The following TAB3 variants were observed in gnomAD, a reference collection of about 807,000 sequenced individuals.
TAB3 encodes TGF-beta-activated kinase 1 and MAP3K7-binding protein 3.
In TAB3, 18 loss-of-function variants were observed where a neutral mutation model predicts 48.1. The ratio of observed to expected loss-of-function variants is 0.37; its 90% CI spans 0.26 to 0.55. TAB3 has a LOEUF of 0.55. TAB3 is among the 20% of genes least tolerant of loss of function. TAB3 has a pLI of 0.78. For missense variants in TAB3, 414 were observed against 549.8 expected, an observed-to-expected ratio of 0.75 and a Z score of 2.47; for synonymous variants, 185 against 190.2, an observed-to-expected ratio of 0.97 and a Z score of 0.22.
chrX:30,855,610 C>A (rs1939037876), intron 5 of TAB3, 48 bp from the exon 6 acceptor site: 4 of 1,098,603 alleles, frequency 3.6e-6, no homozygotes, highest in Admixed American at 2.7e-5. Flanking sequence ...TTAACAAATT[C>A]TAATAGTGGA....
At chrX:30,848,003 A>ATAGTT (rs779482191) in intron 7 of TAB3, among the ~76,000 whole-genome samples, 6 of 112,687 alleles carry the variant, frequency 5.3e-5, no homozygotes, top group Admixed American at 9.4e-5. Context: ...CAATATTCAA[A>ATAGTT]TAGTTTAAAA....
At chrX:30,880,224 G>A (rs185271679) in intron 1 of TAB3, among the ~76,000 whole-genome samples, 100 of 111,644 alleles carry the variant, frequency 9.0e-4, no homozygotes, top group Non-Finnish European at 1.5e-3. Flanking sequence ...CAAGAATAGC[G>A]AAGATGCTTT....
Position 30,854,959 on chromosome X carries a change from A to T in TAB3, c.706T>A (p.Ser236Thr), listed in dbSNP as rs1419771572. The change falls in exon 6 of 11, where the codon TCT becomes ACT. Residue 236 changes from serine (S) to threonine (T), a missense_variant. Transcript: ENST00000288422. ...SPGSIYIRQT[S>T]QSSSGRQTPQ... ...GTTTGTCTTCCTGATGAACTCTGAGATGTCTGTCTAATATAAATAGAACCA... is the reference window on the plus strand; with the variant it reads ...GTTTGTCTTCCTGATGAACTCTGAGTTGTCTGTCTAATATAAATAGAACCA... 32 of 1,206,950 alleles carry T rather than the reference A, an allele frequency of 2.7e-5. No homozygotes were observed. The highest frequency in any genetic ancestry group is 3.5e-5 in the Non-Finnish European group (31 of 893,545).
intron 4 of TAB3, 97 bp from the exon 5 acceptor site, chrX:30,859,775 C>T: frequency 2.4e-6 from 1 of 418,892 alleles, no homozygotes; most frequent in Non-Finnish European, 4.1e-6. Flanking sequence ...GGCATCTCCT[C>T]TAAGGAGGCT....
At chrX:30,856,187 A>G (rs1357707970) in intron 5 of TAB3, among the ~76,000 whole-genome samples, 1 of 111,956 alleles carries the variant, frequency 8.9e-6, no homozygotes, top group Non-Finnish European at 1.9e-5. Flanking sequence ...CAGTATAAAA[A>G]AAGTCCATAA....
rs761474245 is a variant in TAB3, at chrX:30,872,401, C to T, written c.-382-600G>A. On this transcript the variant is annotated intron_variant, in intron 1 of 10. Transcript: ENST00000288422. ...TTGTTTGTTTTTCCCTGCCACCCTA[C>T]CTTTTCTCAATAGGATTAGAACTGT... is the stretch of plus-strand genomic sequence containing the variant. 3.4e-4 allele frequency among the ~76,000 whole-genome samples: 38 copies of T among 111,552 alleles called. 1 individual carries two copies. Among genetic ancestry groups the T allele is most frequent in the African/African-American group, 1.2e-3 (38 of 30,666 alleles).
intron 10 of TAB3, among the ~76,000 whole-genome samples, chrX:30,833,137 A>C (rs1409330193): frequency 9.2e-6 from 1 of 108,336 alleles, no homozygotes; most frequent in Non-Finnish European, 1.9e-5. Context: ...CACCCGGCTA[A>C]TTTTTTGTGT....
chrX:30,844,648 A>G (rs1025594433), intron 8 of TAB3: 1 of 112,357 alleles, frequency 8.9e-6, no homozygotes, highest in African/African-American at 3.2e-5. Context: ...CCCCTACATC[A>G]TGCATAGTAA....
At chrX:30,874,732 C>T (rs1350680754) in intron 1 of TAB3, among the ~76,000 whole-genome samples, 1 of 111,820 alleles carries the variant, frequency 8.9e-6, no homozygotes, top group Non-Finnish European at 1.9e-5. Context: ...AAAAGAAGTA[C>T]AAGGCAGATA....
rs749926327 is a variant in TAB3 at position 30,855,010 on chromosome X, T to A, written c.655A>T (p.Ile219Phe). 3.3e-6 allele frequency: 4 copies of A among 1,210,975 alleles called. No homozygotes were observed. The Admixed American group carries it at 8.7e-5, about 26-fold the overall frequency. ...GGAGACCCATAGAGATTGCTTGGAA[T>A]TTGTGGAAGAATTTGTAAAGCTCTT... ...VPRALQILPQIPSNLYGSPGS... is the reference protein window; with the variant it reads ...VPRALQILPQFPSNLYGSPGS... Residue 219 changes from isoleucine to phenylalanine, a missense_variant, in exon 6 of 11, where the codon ATT (isoleucine) becomes TTT (phenylalanine). By Grantham distance (21) the Ile-to-Phe change is conservative. Transcript: ENST00000288422.
intron 5 of TAB3, among the ~76,000 whole-genome samples, chrX:30,857,221 A>C (rs1939104470): frequency 8.9e-6 from 1 of 111,939 alleles, no homozygotes; most frequent in South Asian, 3.7e-4. Context: ...ATACTTCAAA[A>C]AATACTTTGA....
intron 4 of TAB3, among the ~76,000 whole-genome samples, chrX:30,860,575 C>A (rs1368701383): frequency 1.8e-5 from 2 of 111,253 alleles, no homozygotes; most frequent in Non-Finnish European, 3.8e-5. Context: ...TGAAACTAAT[C>A]ATGAGGAAAT....
intron 1 of TAB3, among the ~76,000 whole-genome samples, chrX:30,885,147 T>C (rs1010299400): frequency 8.9e-6 from 1 of 112,429 alleles, no homozygotes; most frequent in African/African-American, 3.2e-5. Context: ...AAAGGTGTAC[T>C]ATTAATACCT....
chrX:30,879,528 A>G (rs1252453684), intron 1 of TAB3, among the ~76,000 whole-genome samples: 1 of 112,183 alleles, frequency 8.9e-6, no homozygotes, highest in Non-Finnish European at 1.9e-5. Flanking sequence ...CAATAGGAAA[A>G]ACATTTGATA....
At chrX:30,869,763 A>C (rs1939611960) in intron 2 of TAB3, among the ~76,000 whole-genome samples, 1 of 112,533 alleles carries the variant, frequency 8.9e-6, no homozygotes, top group African/African-American at 3.2e-5. Context: ...TTATTACTTA[A>C]AGAGATTACT....
At chrX:30,839,125 A>T (rs958609740) in intron 9 of TAB3, among the ~76,000 whole-genome samples, 12 of 111,672 alleles carry the variant, frequency 1.1e-4, no homozygotes, top group African/African-American at 3.9e-4. Flanking sequence ...AATGGCAGCT[A>T]AAGGTTTTTG....
rs1162587189 is a variant in TAB3, at chrX:30,827,946, G to A, written c.*3481C>T. 4 of 112,211 alleles carry A rather than the reference G, an allele frequency of 3.6e-5. No individual in the cohort carries two copies. In the East Asian group the frequency reaches 1.1e-3, roughly 31 times the overall value. The allele number at this position is 112,211 out of a possible 1,213,427, so 9.2% of individuals were successfully genotyped here. ...ACAGTAGTGGTGCAACACAGACAGT[G>A]CCCAATTTATTCTGATTTTTAAAAG... On this transcript the variant is annotated 3_prime_UTR_variant, in exon 11 of 11. Transcript: ENST00000288422.
At chrX:30,878,201 C>T (rs777883282) in intron 1 of TAB3, among the ~76,000 whole-genome samples, 2 of 111,732 alleles carry the variant, frequency 1.8e-5, no homozygotes, top group Admixed American at 9.5e-5. Flanking sequence ...AATATTAAGA[C>T]ACCTCTTGGC....
At position 30,855,214 on chromosome X, in the gene TAB3, T is replaced by C. The variant is rs755918500; in HGVS notation, c.451A>G (p.Thr151Ala). The change falls in exon 6 of 11, where the codon ACT becomes GCT. Residue 151 changes from threonine to alanine, a missense_variant. Physicochemically the swap from Thr to Ala is moderately conservative, Grantham distance 58. Transcript: ENST00000288422. ...FMNEQNRSAA[T>A]PPSQPPQQPS... ...TGTTGAGGTGGTTGTGAAGGAGGAGTAGCTGCACTTCTGTTCTGTTCGTTC... is the reference window on the plus strand; with the variant it reads ...TGTTGAGGTGGTTGTGAAGGAGGAGCAGCTGCACTTCTGTTCTGTTCGTTC... 5 of 1,210,968 alleles carry C rather than the reference T, an allele frequency of 4.1e-6. No individual in the cohort carries two copies. The highest frequency in any genetic ancestry group is 3.5e-5 in the South Asian group (2 of 56,928).
Sources: gnomAD v4.1 joint callset for allele counts (sites outside exome capture counted in the v4.1 genomes callset) on GRCh38, gnomAD v4.1.1 for gene constraint, MANE v1.5 for transcripts, NCBI Gene and HGNC (gene_info 2026-07-23, HGNC 2026-07-21) for gene names.